SAMD4A: variants seen among roughly 807,000 people sequenced by gnomAD.
SAMD4A encodes the protein sterile alpha motif domain containing 4A, also known as protein Smaug homolog 1.
SAMD4A carries 33 observed loss-of-function variants against 81.3 expected under a neutral mutation model. That is an observed-to-expected ratio of 0.41 (90% CI 0.31 to 0.54). The LOEUF is 0.54. Ranked by LOEUF, SAMD4A falls within the 20% of genes least tolerant of loss-of-function variation. The pLI, the probability that SAMD4A is intolerant of heterozygous loss-of-function variation, is 0.37. For synonymous variants in SAMD4A, 389 were observed against 382.1 expected (o/e 1.02, Z -0.21); for missense variants, 854 against 951.1 (o/e 0.90, Z 1.34).
Position 54,791,384 on chromosome 14 carries a change from C to T in SAMD4A, c.*2440C>T. Reference sequence around the variant, plus strand: ...TCAGAAAACAGATTGTGAACACAATCACATTCGCATGAATCCTTTAAAAGG... The same window carrying T: ...TCAGAAAACAGATTGTGAACACAATTACATTCGCATGAATCCTTTAAAAGG... On this transcript the variant is annotated 3_prime_UTR_variant, in exon 13 of 13. Coordinates refer to ENST00000554335, the MANE Select transcript of SAMD4A (RefSeq NM_015589.6). The T allele has an allele frequency of 6.6e-6, 1 of 152,216 alleles. No individual in the cohort carries two copies. Among genetic ancestry groups the T allele is most frequent in the East Asian group, 1.9e-4 (1 of 5,204 alleles). The allele number at this position is 152,216 out of a possible 1,614,324, so 9.4% of individuals were successfully genotyped here.
intron 2 of SAMD4A, among the ~76,000 whole-genome samples, chr14:54,639,371 G>A (rs1566561351): frequency 1.3e-5 from 2 of 152,188 alleles, no homozygotes; most frequent in African/African-American, 4.8e-5. Context: ...CAGCGTCTCT[G>A]TTTCTTGCAT....
chr14:54,788,975 G>A lies in SAMD4A; in HGVS notation c.*31G>A, dbSNP rs199523703. The stretch of plus-strand genomic sequence containing the variant: ...GAAGACGAGAGTGACCGCGCTGGCC[G>A]TGAAATCGACTGCTGCGGGTCCAGT... On this transcript the variant is annotated 3_prime_UTR_variant, in exon 13 of 13. Transcript: ENST00000554335. The A allele has an allele frequency of 4.1e-5, 66 of 1,612,640 alleles. No homozygotes were observed. Among genetic ancestry groups the A allele is most frequent in the East Asian group, 4.5e-5 (2 of 44,890 alleles).
intron 3 of SAMD4A, among the ~76,000 whole-genome samples, chr14:54,728,541 T>G (rs1241982051): frequency 6.8e-6 from 1 of 146,472 alleles, no homozygotes; most frequent in Non-Finnish European, 1.5e-5. Context: ...CAAATTCTGG[T>G]TTTTTTTTTG....
intron 8 of SAMD4A, among the ~76,000 whole-genome samples, chr14:54,767,169 C>T (rs577551744): frequency 2.6e-4 from 39 of 152,244 alleles, no homozygotes; most frequent in African/African-American, 9.4e-4. Context: ...AATAATTTTC[C>T]ACAGCCTCCG....
At chr14:54,584,387 CATCAGAGGAATTTCT>C in intron 2 of SAMD4A, among the ~76,000 whole-genome samples, 1 of 152,228 alleles carries the variant, frequency 6.6e-6, no homozygotes, top group South Asian at 2.1e-4. Context: ...CTTTTTTATG[CATCAGAGGAATTTCT>C]ATCAGAGGAG....
In SAMD4A at chr14:54,762,239, G is replaced by A. The variant is rs556526703; in HGVS notation, c.1510+1745G>A. Among the ~76,000 whole-genome samples the A allele has an allele frequency of 8.5e-5, 13 of 152,232 alleles. No individual in the cohort carries two copies. In the South Asian group the frequency reaches 2.7e-3, roughly 32 times the overall value. Reference sequence around the variant, plus strand: ...AGTAGAATAATTTATGCTTAATTGGGTGTCTTACAAGACATCTTGATTATT... The same window carrying A: ...AGTAGAATAATTTATGCTTAATTGGATGTCTTACAAGACATCTTGATTATT... On this transcript the variant is annotated intron_variant, in intron 7 of 12. Transcript: ENST00000554335.
At chr14:54,725,553 A>T (rs1468412449) in intron 3 of SAMD4A, among the ~76,000 whole-genome samples, 6 of 152,246 alleles carry the variant, frequency 3.9e-5, no homozygotes, top group Non-Finnish European at 8.8e-5. Flanking sequence ...TATATTTTTC[A>T]TGCCACATGT....
chr14:54,786,540 C>T (rs772429941), intron 12 of SAMD4A, among the ~76,000 whole-genome samples: 7 of 152,212 alleles, frequency 4.6e-5, no homozygotes, highest in Non-Finnish European at 1.0e-4. Context: ...CTGGCACCTG[C>T]CAGAGCTCTG....
chr14:54,597,891 G>A (rs1370220399), intron 2 of SAMD4A, among the ~76,000 whole-genome samples: 1 of 152,064 alleles, frequency 6.6e-6, no homozygotes, highest in Non-Finnish European at 1.5e-5. Context: ...CTGGCCCCCT[G>A]TTGTGGTCTT....
chr14:54,632,872 A>G (rs1413028131), intron 2 of SAMD4A, among the ~76,000 whole-genome samples: 1 of 152,206 alleles, frequency 6.6e-6, no homozygotes, highest in Non-Finnish European at 1.5e-5. Context: ...TACCTAATGT[A>G]TTTTATCTGT....
Position 54,674,050 on chromosome 14 carries a change from T to C in SAMD4A, c.197-28012T>C, listed in dbSNP as rs540523173. 3.7e-4 allele frequency among the ~76,000 whole-genome samples: 57 copies of C among 152,358 alleles called. 1 individual carries two copies. The highest frequency in any genetic ancestry group is 1.3e-3 in the African/African-American group (55 of 41,594). ...GATGAAAATTCATTCACTTCTCTCC[T>C]CTGGGACCTAAATCCATTTTAGCAT... is the stretch of plus-strand genomic sequence containing the variant. On this transcript the variant is annotated intron_variant, in intron 2 of 12. Transcript: ENST00000554335.
At chr14:54,574,831 AT>A (rs2033240972) in intron 2 of SAMD4A, among the ~76,000 whole-genome samples, 1 of 152,180 alleles carries the variant, frequency 6.6e-6, no homozygotes, top group South Asian at 2.1e-4. Flanking sequence ...TTGCACGCAG[AT>A]CACTTTGGAA....
chr14:54,791,146 T>C lies in SAMD4A; in HGVS notation c.*2202T>C, dbSNP rs1043342223. The stretch of plus-strand genomic sequence containing the variant: ...AACAAGCTTAGTGTTACTTGGGGAA[T>C]GTGTTGGGATGGACGATCACATGTA... On this transcript the variant is annotated 3_prime_UTR_variant, in exon 13 of 13. Transcript: ENST00000554335. The C allele has an allele frequency of 1.3e-5, 2 of 152,202 alleles. No individual in the cohort carries two copies. The highest frequency in any genetic ancestry group is 6.5e-5 in the Admixed American group (1 of 15,288). 9.4% of individuals were successfully genotyped at this position (152,202 alleles called of 1,614,324 possible).
chr14:54,670,489 G>A (rs1199466509), intron 2 of SAMD4A, among the ~76,000 whole-genome samples: 1 of 151,968 alleles, frequency 6.6e-6, no homozygotes, highest in African/African-American at 2.4e-5. Context: ...AAGCCTGGGG[G>A]AGGCAGAACT....
At position 54,769,678 on chromosome 14, in the gene SAMD4A, AC is replaced by A. The variant is rs574951740; in HGVS notation, c.1597-424del. Among the ~76,000 whole-genome samples, 52 of 152,292 alleles carry A rather than the reference AC, an allele frequency of 3.4e-4. 1 individual carries two copies. Among genetic ancestry groups the A allele is most frequent in the South Asian group, 2.9e-3 (14 of 4,826 alleles). On this transcript the variant is annotated intron_variant, in intron 8 of 12. Transcript: ENST00000554335. ...GTAGACCACTCTAGGGTGCCCACAC[AC>A]CATCAAGCAGATTGATTTTTGGAGT...
intron 2 of SAMD4A, among the ~76,000 whole-genome samples, chr14:54,684,521 C>A (rs975623455): frequency 6.6e-6 from 1 of 152,208 alleles, no homozygotes; most frequent in African/African-American, 2.4e-5. Context: ...CCCTGCACAC[C>A]GTACCATGAA....
At chr14:54,606,175 C>A (rs1164162398) in intron 2 of SAMD4A, among the ~76,000 whole-genome samples, 3 of 136,106 alleles carry the variant, frequency 2.2e-5, no homozygotes, top group Non-Finnish European at 4.7e-5. Context: ...CTATGTCTTA[C>A]TTCTGGGCTG....
chr14:54,581,014 A>G (rs544936393), intron 2 of SAMD4A, among the ~76,000 whole-genome samples: 8 of 152,364 alleles, frequency 5.3e-5, no homozygotes, highest in African/African-American at 1.9e-4. Flanking sequence ...TAAAGGCCAG[A>G]GGAAATAGAT....
At chr14:54,567,403 C>T (rs1425069638) in intron 1 of SAMD4A, 65 bp downstream of exon 1, 4 of 153,664 alleles carry the variant, frequency 2.6e-5, no homozygotes, top group Non-Finnish European at 4.3e-5. Context: ...GACGCCCCCT[C>T]CCCTGGCCCC....
Sources: allele counts gnomAD v4.1 joint callset (sites outside exome capture counted in the v4.1 genomes callset), GRCh38; gene constraint gnomAD v4.1.1; transcripts MANE v1.5; gene names NCBI Gene and HGNC (gene_info 2026-07-23, HGNC 2026-07-21).